The following RBM41 variants were observed in gnomAD, a reference collection of about 807,000 sequenced individuals.
RBM41 encodes RNA-binding protein 41.
A neutral mutation model predicts 30.8 loss-of-function variants in RBM41; 14 were observed. The observed-to-expected ratio is 0.45, with a 90% CI of 0.30 to 0.71. RBM41 has a LOEUF of 0.71. Among genes scored for constraint, RBM41 ranks in the 30% least tolerant of loss-of-function variants. RBM41 has a pLI of 0.08. For missense variants in RBM41, 276 were observed against 326.3 expected (o/e 0.85, Z 1.19); for synonymous variants, 120 against 110.1 (o/e 1.09, Z -0.56).
chrX:107,091,119 G>A (rs1315118130), intron 5 of RBM41, among the ~76,000 whole-genome samples: 1 of 111,548 alleles, frequency 9.0e-6, no homozygotes, highest in African/African-American at 3.3e-5. Flanking sequence ...AAAGAGAAAA[G>A]TAAACCATGA....
At chrX:107,088,343 G>A in intron 6 of RBM41, 93 bp downstream of exon 6, 1 of 877,526 alleles carries the variant, frequency 1.1e-6, no homozygotes, top group South Asian at 2.4e-5. Context: ...ATGATTCTTT[G>A]GTATAATCAA....
rs149031739 is a variant in RBM41 at position 107,075,740 on chromosome X, G to A, written c.1000-6338C>T. ...AAAAAACAGAAAATTACAAATGTTGGCAAGGATATGAAGAAGTTGGAACCC... is the reference window on the plus strand; with the variant it reads ...AAAAAACAGAAAATTACAAATGTTGACAAGGATATGAAGAAGTTGGAACCC... On this transcript the variant is annotated intron_variant, in intron 6 of 7. Coordinates refer to ENST00000685964, the MANE Select transcript of RBM41 (RefSeq NM_001324242.2). Among the ~76,000 whole-genome samples the A allele has an allele frequency of 5.8e-3, 653 of 111,742 alleles. 3 individuals are homozygous for A. The highest frequency in any genetic ancestry group is 0.019 in the Middle Eastern group (4 of 212).
chrX:107,088,373 C>T, intron 6 of RBM41, 63 bp downstream of exon 6: 2 of 1,031,413 alleles, frequency 1.9e-6, no homozygotes, highest in South Asian at 2.1e-5. Flanking sequence ...AAAAGTATTA[C>T]TTTAGGTAGA....
downstream of RBM41, among the ~76,000 whole-genome samples, chrX:107,059,473 G>A (rs1402161296): frequency 4.5e-5 from 5 of 111,267 alleles, no homozygotes; most frequent in South Asian, 3.8e-4. Context: ...AAACCTGCAC[G>A]TCCTGCATAT....
At chrX:107,097,410 G>T (rs1215644197) in intron 5 of RBM41, among the ~76,000 whole-genome samples, 1 of 111,420 alleles carries the variant, frequency 9.0e-6, no homozygotes, top group Non-Finnish European at 1.9e-5. Flanking sequence ...TGTCAAGGGA[G>T]GGACTTAGTG....
the RBM41 span, among the ~76,000 whole-genome samples, chrX:107,054,589 G>C: frequency 9.0e-6 from 1 of 111,571 alleles, no homozygotes; most frequent in African/African-American, 3.3e-5. Context: ...CTATTTCGCC[G>C]TACCTGGGAA....
downstream of RBM41, among the ~76,000 whole-genome samples, chrX:107,057,062 T>C (rs759042062): frequency 1.8e-5 from 2 of 109,821 alleles, no homozygotes; most frequent in East Asian, 5.7e-4. Context: ...AGAGACGAGG[T>C]CTCACTACAT....
intron 1 of RBM41, 21 bp downstream of exon 1, chrX:107,118,745 G>A: frequency 1.7e-6 from 2 of 1,211,446 alleles, no homozygotes; most frequent in South Asian, 1.8e-5. Flanking sequence ...CTTGCCGCCT[G>A]CTCTTCAGAC....
At chrX:107,082,074 G>A (rs754976762) in intron 6 of RBM41, among the ~76,000 whole-genome samples, 4 of 111,650 alleles carry the variant, frequency 3.6e-5, no homozygotes, top group African/African-American at 6.5e-5. Flanking sequence ...GTGGGGAAAG[G>A]GGACATTTTT....
rs1056842991 is a variant in RBM41 at position 107,064,182 on chromosome X, A to G, written c.*3345T>C. 9.2e-6 allele frequency among the ~76,000 whole-genome samples: 1 copy of G among 108,997 alleles called. No individual in the cohort carries two copies. The highest frequency in any genetic ancestry group is 1.9e-5 in the Non-Finnish European group (1 of 52,448). The allele number at this position is 108,997 out of a possible 115,157, so 94.7% of individuals were successfully genotyped here. A position where few individuals can be genotyped will look rare whatever the true frequency, so the allele number is the denominator to read the frequency against. On this transcript the variant is annotated 3_prime_UTR_variant, in exon 8 of 8. Transcript: ENST00000685964. Reference sequence around the variant, plus strand: ...TACCCAGAATGGTCTCGATCTCCTGACCCCATGATCTCCACCCGCCCCGGC... The same window carrying G: ...TACCCAGAATGGTCTCGATCTCCTGGCCCCATGATCTCCACCCGCCCCGGC...
chrX:107,060,691 A>G (rs755726903), downstream of RBM41, among the ~76,000 whole-genome samples: 20 of 111,360 alleles, frequency 1.8e-4, no homozygotes, highest in African/African-American at 6.2e-4. Flanking sequence ...CTAGGTAAAC[A>G]CTACCGTAAT....
intron 6 of RBM41, among the ~76,000 whole-genome samples, chrX:107,083,463 T>G (rs1318336269): frequency 9.0e-6 from 1 of 111,271 alleles, no homozygotes; most frequent in East Asian, 2.8e-4. Flanking sequence ...TTTGGAAAAT[T>G]CTCATCCATT....
chrX:107,085,936 G>T (rs191701675), intron 6 of RBM41, among the ~76,000 whole-genome samples: 6 of 111,788 alleles, frequency 5.4e-5, no homozygotes, highest in African/African-American at 1.3e-4. Flanking sequence ...ACTGGGCAAA[G>T]ATATTTGCTA....
intron 6 of RBM41, among the ~76,000 whole-genome samples, chrX:107,088,234 G>T (rs34000918): frequency 8.9e-6 from 1 of 111,889 alleles, no homozygotes; most frequent in African/African-American, 3.2e-5. Context: ...CAGGACCTTA[G>T]CAAAGTACCA....
chrX:107,104,208 T>C (rs1368562826), intron 5 of RBM41, among the ~76,000 whole-genome samples: 1 of 111,650 alleles, frequency 9.0e-6, no homozygotes, highest in Non-Finnish European at 1.9e-5. Flanking sequence ...CTTGCAAATT[T>C]TGCAACAAAA....
At chrX:107,100,489 T>TA (rs1923355776) in intron 5 of RBM41, among the ~76,000 whole-genome samples, 1 of 69,348 alleles carries the variant, frequency 1.4e-5, no homozygotes. Flanking sequence ...GGACTCTGTC[T>TA]CAAAAAAAAA....
rs1437675977 is a variant in RBM41 at position 107,116,634 on chromosome X, C to A, written c.125+16G>T. 2 of 1,207,863 alleles carry A rather than the reference C, an allele frequency of 1.7e-6. No individual in the cohort carries two copies. Among genetic ancestry groups the A allele is most frequent in the South Asian group, 1.8e-5 (1 of 56,350 alleles). Reference sequence around the variant, plus strand: ...AAGAGTCTATGATACTCTCCGTTTGCAAAATCAATACCTACTCCTCAATGG... The same window carrying A: ...AAGAGTCTATGATACTCTCCGTTTGAAAAATCAATACCTACTCCTCAATGG... On this transcript the variant is annotated intron_variant, in intron 2 of 7. Coordinates refer to ENST00000685964, the MANE Select transcript of RBM41 (RefSeq NM_001324242.2).
intron 5 of RBM41, chrX:107,112,757 C>T: frequency 3.5e-6 from 1 of 288,111 alleles, no homozygotes; most frequent in East Asian, 1.1e-4. Context: ...AGGCATTATG[C>T]TGAGTGAAAG....
At chrX:107,115,730 AAAG>A in intron 3 of RBM41, 129 bp downstream of exon 3, 2 of 928,553 alleles carry the variant, frequency 2.2e-6, no homozygotes, top group Non-Finnish European at 3.0e-6. Context: ...TCTAAAAATC[AAAG>A]AAGATTCAGA....
Sources: gnomAD v4.1 joint callset for allele counts (sites outside exome capture counted in the v4.1 genomes callset) on GRCh38, gnomAD v4.1.1 for gene constraint, MANE v1.5 for transcripts, NCBI Gene and HGNC (gene_info 2026-07-23, HGNC 2026-07-21) for gene names.